ADGRB3: variants seen among roughly 807,000 people sequenced by gnomAD.
ADGRB3 encodes the protein brain-specific angiogenesis inhibitor 3.
A neutral mutation model predicts 193.4 loss-of-function variants in ADGRB3; 37 were observed. The observed-to-expected ratio is 0.19, with a 90% CI of 0.15 to 0.25. ADGRB3 has a LOEUF of 0.25. ADGRB3 is among the 10% of genes least tolerant of loss of function. ADGRB3 has a pLI of 1.00. For synonymous variants in ADGRB3, 690 were observed against 644.2 expected (o/e 1.07, Z -1.08); for missense variants, 1,637 against 1,852.9 (o/e 0.88, Z 2.14).
At chr6:69,287,812 A>G (rs1363529182) in intron 20 of ADGRB3, among the ~76,000 whole-genome samples, 1 of 152,210 alleles carries the variant, frequency 6.6e-6, no homozygotes, top group African/African-American at 2.4e-5. Context: ...AATTACCTGA[A>G]TTTTAATTTG....
At chr6:68,959,938 CT>C (rs2150258326) in intron 8 of ADGRB3, among the ~76,000 whole-genome samples, 1 of 152,112 alleles carries the variant, frequency 6.6e-6, no homozygotes, top group East Asian at 1.9e-4. Context: ...AATAGCTCCC[CT>C]AATTTTATTA....
At position 69,341,550 on chromosome 6, in the gene ADGRB3, C is replaced by T. The variant is rs7750394; in HGVS notation, c.3459+2046C>T. ...TTTTAGCATTTAAAAAGTCTGATGT[C>T]GTTTACTGTTGCCAAGCCTTACTAT... On this transcript the variant is annotated intron_variant, in intron 26 of 31. Coordinates refer to ENST00000370598, the MANE Select transcript of ADGRB3 (RefSeq NM_001704.3). Among the ~76,000 whole-genome samples the T allele has an allele frequency of 9.3e-3, 1,419 of 152,164 alleles. 20 individuals are homozygous for T. Among genetic ancestry groups the T allele is most frequent in the African/African-American group, 0.033 (1,356 of 41,532 alleles).
chr6:68,869,189 C>G (rs73747813), intron 3 of ADGRB3, among the ~76,000 whole-genome samples: 4,233 of 152,216 alleles, frequency 0.028, 203 homozygotes, highest in African/African-American at 0.095. Flanking sequence ...TTATTCCATG[C>G]ATCTATCACT....
intron 17 of ADGRB3, among the ~76,000 whole-genome samples, chr6:69,154,619 A>G (rs1774778962): frequency 6.6e-6 from 1 of 152,192 alleles, no homozygotes; most frequent in South Asian, 2.1e-4. Flanking sequence ...CCGTTTTCCC[A>G]GAGCACCCTT....
At chr6:68,784,966 T>C (rs984188621) in intron 3 of ADGRB3, among the ~76,000 whole-genome samples, 1 of 152,114 alleles carries the variant, frequency 6.6e-6, no homozygotes, top group African/African-American at 2.4e-5. Context: ...ATTGTGATTA[T>C]AGCAGTTTAG....
chr6:69,324,811 A>G, intron 20 of ADGRB3, 61 bp from the exon 21 acceptor site: 1 of 1,555,466 alleles, frequency 6.4e-7, no homozygotes. Flanking sequence ...TCCCCTGAAG[A>G]ACATATCATT....
intron 20 of ADGRB3, among the ~76,000 whole-genome samples, chr6:69,255,235 G>T (rs1454753824): frequency 6.6e-6 from 1 of 152,208 alleles, no homozygotes; most frequent in East Asian, 1.9e-4. Flanking sequence ...TAATGGGATG[G>T]CTGGGTCAAA....
chr6:69,330,762 A>G (rs2127313470), intron 23 of ADGRB3, among the ~76,000 whole-genome samples, 190 bp downstream of exon 23: 1 of 152,316 alleles, frequency 6.6e-6, no homozygotes. Flanking sequence ...TATTTTGAAT[A>G]CTGAAGAATA....
intron 17 of ADGRB3, among the ~76,000 whole-genome samples, chr6:69,083,392 T>A (rs1772449019): frequency 6.6e-6 from 1 of 152,242 alleles, no homozygotes; most frequent in Non-Finnish European, 1.5e-5. Context: ...ATGTGTTCAT[T>A]CATTTGACAA....
chr6:69,278,991 G>T (rs889642550), intron 20 of ADGRB3, among the ~76,000 whole-genome samples: 1 of 146,484 alleles, frequency 6.8e-6, no homozygotes, highest in African/African-American at 2.5e-5. Context: ...TTTGATCTTT[G>T]CATTCCTATA....
intron 17 of ADGRB3, among the ~76,000 whole-genome samples, chr6:69,110,670 A>T (rs1773341585): frequency 6.6e-6 from 1 of 152,228 alleles, no homozygotes; most frequent in Non-Finnish European, 1.5e-5. Context: ...CAATAGTTTA[A>T]AAACTTACCT....
At chr6:68,646,475 C>CAAAAAAA (rs368034374) in intron 3 of ADGRB3, among the ~76,000 whole-genome samples, 14 of 107,446 alleles carry the variant, frequency 1.3e-4, no homozygotes, top group East Asian at 2.4e-4. Context: ...GAAACTCTGT[C>CAAAAAAA]AAAAAAAAAA....
intron 3 of ADGRB3, among the ~76,000 whole-genome samples, chr6:68,827,281 A>C (rs73745892): frequency 1.2e-4 from 18 of 152,114 alleles, no homozygotes; most frequent in Non-Finnish European, 1.6e-4. Context: ...GATAGTATCA[A>C]TTAAGATGAA....
At chr6:69,100,856 A>AGGAAGGAAGGAAGAAGGGAGGGAG (rs1773017832) in intron 17 of ADGRB3, among the ~76,000 whole-genome samples, 4 of 24,702 alleles carry the variant, frequency 1.6e-4, no homozygotes, top group Non-Finnish European at 4.4e-4. Flanking sequence ...GAGGGAGGGA[A>AGGAAGGAAGGAAGAAGGGAGGGAG]GGAAGGAAGG....
intron 16 of ADGRB3, among the ~76,000 whole-genome samples, chr6:69,069,599 C>A (rs1303297536): frequency 2.7e-5 from 3 of 112,976 alleles, no homozygotes; most frequent in African/African-American, 9.9e-5. Flanking sequence ...GACGCAGTGG[C>A]AGATTACTGT....
In ADGRB3 at chr6:68,660,460, T is replaced by C. The variant is rs573867604; in HGVS notation, c.757+21028T>C. Among the ~76,000 whole-genome samples the C allele has an allele frequency of 3.0e-4, 46 of 151,084 alleles. No individual in the cohort carries two copies. In the South Asian group the frequency reaches 9.5e-3, roughly 31 times the overall value. ...TAATTTTAAAAATGAATAATCATTA[T>C]ACACACAATTACCTTGTGTAGGCCA... is the stretch of plus-strand genomic sequence containing the variant. On this transcript the variant is annotated intron_variant, in intron 3 of 31. Coordinates refer to ENST00000370598, the MANE Select transcript of ADGRB3 (RefSeq NM_001704.3).
chr6:69,308,782 A>G (rs1768118718), intron 20 of ADGRB3, among the ~76,000 whole-genome samples: 1 of 151,684 alleles, frequency 6.6e-6, no homozygotes, highest in Non-Finnish European at 1.5e-5. Flanking sequence ...GTCTACCTCA[A>G]GATTCAAGAT....
chr6:68,704,871 G>C (rs1253291740), intron 3 of ADGRB3, among the ~76,000 whole-genome samples: 1 of 152,144 alleles, frequency 6.6e-6, no homozygotes, highest in African/African-American at 2.4e-5. Flanking sequence ...CATCTGGTTA[G>C]TAATTTAGCT....
chr6:68,776,669 C>T (rs1050330496), intron 3 of ADGRB3, among the ~76,000 whole-genome samples: 1 of 152,004 alleles, frequency 6.6e-6, no homozygotes, highest in Admixed American at 6.6e-5. Flanking sequence ...GGAGTCTAAA[C>T]GGAGCTAGCA....
Sources: allele counts gnomAD v4.1 joint callset (sites outside exome capture counted in the v4.1 genomes callset), GRCh38; gene constraint gnomAD v4.1.1; transcripts MANE v1.5; gene names NCBI Gene and HGNC (gene_info 2026-07-23, HGNC 2026-07-21).